The following SUCLG2 variants were observed in gnomAD, a reference collection of about 807,000 sequenced individuals.
The protein encoded by SUCLG2 is succinate-CoA ligase GDP-forming subunit beta, also known as succinate--CoA ligase [GDP-forming] subunit beta, mitochondrial.
A neutral mutation model predicts 47.9 loss-of-function variants in SUCLG2; 42 were observed. The observed-to-expected ratio is 0.88, with a 90% CI of 0.69 to 1.14. The LOEUF is 1.14. SUCLG2 is among the 50% of genes most tolerant of loss of function. The pLI is 0.00. For missense variants in SUCLG2, 571 were observed against 525.9 expected, an observed-to-expected ratio of 1.09 and a Z score of -0.84; for synonymous variants, 195 against 197.3, an observed-to-expected ratio of 0.99 and a Z score of 0.10.
chr3:67,634,127 T>A (rs1455436986), intron 1 of SUCLG2, among the ~76,000 whole-genome samples: 1 of 152,226 alleles, frequency 6.6e-6, no homozygotes. Context: ...TCCTTTCGTA[T>A]CCACATGATC....
chr3:67,541,043 A>C (rs1217545965), intron 2 of SUCLG2, among the ~76,000 whole-genome samples: 1 of 152,232 alleles, frequency 6.6e-6, no homozygotes, highest in African/African-American at 2.4e-5. Context: ...CAGAAATCCC[A>C]TCCAAAGGTG....
intron 1 of SUCLG2, among the ~76,000 whole-genome samples, chr3:67,630,355 T>C (rs1325315316): frequency 6.6e-6 from 1 of 152,244 alleles, no homozygotes; most frequent in Non-Finnish European, 1.5e-5. Flanking sequence ...GAAGATTAAA[T>C]ACTGATGGTC....
intron 9 of SUCLG2, among the ~76,000 whole-genome samples, chr3:67,471,274 G>A (rs1416062747): frequency 6.6e-6 from 1 of 152,162 alleles, no homozygotes; most frequent in Non-Finnish European, 1.5e-5. Context: ...CCACACAAGG[G>A]TGATGAGGGA....
chr3:67,609,187 C>T (rs1407847377), intron 2 of SUCLG2, among the ~76,000 whole-genome samples: 1 of 152,220 alleles, frequency 6.6e-6, no homozygotes, highest in African/African-American at 2.4e-5. Flanking sequence ...CACATCTCCT[C>T]CCAGGTCAGC....
chr3:67,476,548 T>C lies in SUCLG2; in HGVS notation c.1062+19250A>G, dbSNP rs181160938. 4.3e-3 allele frequency among the ~76,000 whole-genome samples: 656 copies of C among 152,244 alleles called. 3 individuals carry two copies. Among genetic ancestry groups the C allele is most frequent in the South Asian group, 0.032 (155 of 4,818 alleles). ...TTTCATTACATATTACAATTAATAATAACAGAAACAAAGTGCACAATAAAT... is the reference window on the plus strand; with the variant it reads ...TTTCATTACATATTACAATTAATAACAACAGAAACAAAGTGCACAATAAAT... On this transcript the variant is annotated intron_variant, in intron 9 of 10. Coordinates refer to ENST00000307227, the MANE Select transcript of SUCLG2 (RefSeq NM_003848.4).
At chr3:67,519,978 G>T (rs1330631309) in intron 5 of SUCLG2, among the ~76,000 whole-genome samples, 3 of 152,064 alleles carry the variant, frequency 2.0e-5, no homozygotes, top group Non-Finnish European at 4.4e-5. Context: ...AATGAGTCAA[G>T]ATTTCAAGGA....
intron 9 of SUCLG2, among the ~76,000 whole-genome samples, chr3:67,404,120 C>A (rs1702750661): frequency 6.6e-6 from 1 of 152,138 alleles, no homozygotes; most frequent in Non-Finnish European, 1.5e-5. Flanking sequence ...CTGACCTCTA[C>A]TGATCCTCCT....
At chr3:67,365,783 T>A (rs1701866062) in intron 10 of SUCLG2, among the ~76,000 whole-genome samples, 1 of 152,182 alleles carries the variant, frequency 6.6e-6, no homozygotes, top group Non-Finnish European at 1.5e-5. Flanking sequence ...TGACGATTTT[T>A]AAACTTTTTT....
intron 9 of SUCLG2, among the ~76,000 whole-genome samples, chr3:67,477,067 G>T (rs543932480): frequency 6.6e-6 from 1 of 152,130 alleles, no homozygotes; most frequent in South Asian, 2.1e-4. Flanking sequence ...TGTAAATTCT[G>T]CTTGTATCTA....
chr3:67,526,626 TG>T (rs1290220824), intron 4 of SUCLG2, among the ~76,000 whole-genome samples: 1 of 152,028 alleles, frequency 6.6e-6, no homozygotes, highest in Non-Finnish European at 1.5e-5. Context: ...ATTAGGGAAA[TG>T]CAAATTAAAA....
chr3:67,410,876 A>T (rs1702919171), intron 9 of SUCLG2, among the ~76,000 whole-genome samples: 1 of 152,236 alleles, frequency 6.6e-6, no homozygotes, highest in Non-Finnish European at 1.5e-5. Context: ...CTCATTGCTT[A>T]TAATGCAGTA....
In SUCLG2 at chr3:67,393,679, T is replaced by C. The variant is rs60430685; in HGVS notation, c.1183+7052A>G. On this transcript the variant is annotated intron_variant, in intron 10 of 10. Transcript: ENST00000307227. ...GCTTTGAAGAGAGCAGTGGTTCTCC[T>C]GGCACGCAGCTGGAGATCTGAGAAC... Among the ~76,000 whole-genome samples, 965 of 152,098 alleles carry C rather than the reference T, an allele frequency of 6.3e-3. 7 individuals are homozygous for C. The highest frequency in any genetic ancestry group is 0.018 in the African/African-American group (764 of 41,572).
intron 1 of SUCLG2, among the ~76,000 whole-genome samples, chr3:67,630,677 T>C (rs1312572328): frequency 2.6e-5 from 4 of 152,234 alleles, no homozygotes. Flanking sequence ...AAGCTGAACC[T>C]ATGACCGACA....
At chr3:67,628,921 T>A (rs750491610) in intron 1 of SUCLG2, among the ~76,000 whole-genome samples, 4 of 152,180 alleles carry the variant, frequency 2.6e-5, no homozygotes, top group Non-Finnish European at 4.4e-5. Context: ...AGGAGAACGT[T>A]ATCAGTGAGC....
chr3:67,432,934 T>C (rs975844905), intron 9 of SUCLG2, among the ~76,000 whole-genome samples: 5 of 152,226 alleles, frequency 3.3e-5, no homozygotes, highest in African/African-American at 1.2e-4. Context: ...CATACTCTTT[T>C]ATTGGATTGA....
intron 10 of SUCLG2, among the ~76,000 whole-genome samples, chr3:67,381,643 T>A (rs755640868): frequency 5.9e-5 from 9 of 152,172 alleles, no homozygotes; most frequent in Non-Finnish European, 8.8e-5. Context: ...ACTGATCAAC[T>A]CATGCTGGTG....
intron 9 of SUCLG2, among the ~76,000 whole-genome samples, chr3:67,417,269 T>A (rs1197805312): frequency 6.6e-6 from 1 of 152,208 alleles, no homozygotes; most frequent in South Asian, 2.1e-4. Context: ...TAATTAAAGA[T>A]CTGGAGTACC....
At chr3:67,502,362 T>C (rs1018953738) in intron 7 of SUCLG2, among the ~76,000 whole-genome samples, 4 of 152,234 alleles carry the variant, frequency 2.6e-5, no homozygotes, top group African/African-American at 9.6e-5. Flanking sequence ...CTAAATGATT[T>C]TCCTTGAACC....
intron 9 of SUCLG2, among the ~76,000 whole-genome samples, chr3:67,466,624 G>A (rs1205616761): frequency 6.6e-6 from 1 of 152,198 alleles, no homozygotes; most frequent in African/African-American, 2.4e-5. Context: ...CATCCGGCAA[G>A]ATGAGATGAC....
Sources: gnomAD v4.1 joint callset for allele counts (sites outside exome capture counted in the v4.1 genomes callset) on GRCh38, gnomAD v4.1.1 for gene constraint, MANE v1.5 for transcripts, NCBI Gene and HGNC (gene_info 2026-07-23, HGNC 2026-07-21) for gene names.